Variants in PELP1 observed in about 807,000 individuals in gnomAD.
PELP1 encodes the protein proline-, glutamic acid- and leucine-rich protein 1.
Under a neutral mutation model 95.5 loss-of-function variants are expected in PELP1, and 32 were observed. The ratio of observed to expected loss-of-function variants is 0.34; its 90% CI spans 0.25 to 0.45. The LOEUF (loss-of-function observed/expected upper bound fraction) is 0.45, where lower values mean the gene tolerates loss of function less well. Ranked by LOEUF, PELP1 falls within the 20% of genes least tolerant of loss-of-function variation. PELP1 has a pLI of 1.00. For missense variants in PELP1, 1,358 were observed against 1,444.8 expected, an observed-to-expected ratio of 0.94 and a Z score of 0.97; for synonymous variants, 668 against 600.1, an observed-to-expected ratio of 1.11 and a Z score of -1.65.
intron 1 of PELP1, among the ~76,000 whole-genome samples, chr17:4,701,818 T>C (rs538859816): frequency 6.6e-6 from 1 of 152,240 alleles, no homozygotes; most frequent in Non-Finnish European, 1.5e-5. Context: ...GAATGAAACC[T>C]TTGGGGAAGG....
chr17:4,674,311 C>T (rs974310093), intron 13 of PELP1, among the ~76,000 whole-genome samples, 199 bp downstream of exon 13: 3 of 152,272 alleles, frequency 2.0e-5, no homozygotes, highest in Admixed American at 1.3e-4. Context: ...TGCGGGCTTC[C>T]GCCTGGCTCT....
chr17:4,674,763 CA>C, intron 12 of PELP1, 45 bp downstream of exon 12: 1 of 1,589,238 alleles, frequency 6.3e-7, no homozygotes. Context: ...CACACTTGGT[CA>C]AAGGGCACAG....
intron 3 of PELP1, among the ~76,000 whole-genome samples, chr17:4,689,759 G>A (rs913610566): frequency 3.3e-5 from 5 of 152,194 alleles, no homozygotes; most frequent in Admixed American, 6.5e-5. Flanking sequence ...CAGGAGTGGC[G>A]GCTCATGCCT....
chr17:4,675,222 T>G lies in PELP1; in HGVS notation c.1158-27A>C, dbSNP rs1471320177. 1 of 1,607,786 alleles carries G rather than the reference T, an allele frequency of 6.2e-7. No homozygotes were observed. The highest frequency in any genetic ancestry group is 1.3e-5 in the African/African-American group (1 of 74,864). On this transcript the variant is annotated intron_variant, in intron 10 of 16. Transcript: ENST00000572293. This position sits in a 1 kb window ranked among gnomAD's most constrained non-coding sequence, Gnocchi z 4.3. ...TGGGGCAGAGAAGGAATGGTGACCC[T>G]CGTTTCTGGCACGCCCTATCCCTTC...
At chr17:4,697,813 G>C (rs7214671) in intron 1 of PELP1, among the ~76,000 whole-genome samples, 15,476 of 151,712 alleles carry the variant, frequency 0.1, 1,952 homozygotes, top group African/African-American at 0.29. Flanking sequence ...ACCTTTAATA[G>C]ATGTTAAAAT....
chr17:4,700,938 AAAAAGAAAAG>A (rs1469847931), intron 1 of PELP1, among the ~76,000 whole-genome samples: 1 of 149,306 alleles, frequency 6.7e-6, no homozygotes, highest in African/African-American at 2.5e-5. Context: ...CAAAAAAAAA[AAAAAGAAAAG>A]AAAAGAAAAG....
At chr17:4,697,453 G>A (rs1913340882) in intron 1 of PELP1, among the ~76,000 whole-genome samples, 1 of 152,202 alleles carries the variant, frequency 6.6e-6, no homozygotes, top group African/African-American at 2.4e-5. Context: ...GATCAAGGAT[G>A]CAGTAAGCTA....
At position 4,704,005 on chromosome 17, in the gene PELP1, A is replaced by G. The variant is rs1324193633; in HGVS notation, c.107T>C (p.Leu36Pro). ...AVSSGPRLRL[L>P]LLESVSGLLQ... is the part of the protein sequence containing the mutation. ...CAAACCAGAAACACTCTCCAGCAGC[A>G]GCAGGCGGAGCCGCGGGCCCGAGCT... Residue 36 changes from leucine (L) to proline (P), a missense_variant, in exon 1 of 17, where the codon CTG becomes CCG. Physicochemically the swap from Leu to Pro is moderately conservative, Grantham distance 98. Around this residue, in one of 7 missense-constraint regions of PELP1, gnomAD observed 169 missense variants for 134.9 expected, o/e 1.25. Coordinates refer to ENST00000572293, the MANE Select transcript of PELP1 (RefSeq NM_014389.3). The G allele has an allele frequency of 6.2e-7, 1 of 1,613,154 alleles. No homozygotes were observed. Among genetic ancestry groups the G allele is most frequent in the Non-Finnish European group, 8.5e-7 (1 of 1,179,738 alleles).
At position 4,673,652 on chromosome 17, in the gene PELP1, CAT is replaced by C; in HGVS notation, c.1603_1604del (p.Met535ValfsTer15). 1 of 1,613,928 alleles carries C rather than the reference CAT, an allele frequency of 6.2e-7. No homozygotes were observed. Among genetic ancestry groups the C allele is most frequent in the Non-Finnish European group, 8.5e-7 (1 of 1,179,824 alleles). On this transcript the variant is annotated frameshift_variant, in exon 14 of 17. Transcript: ENST00000572293. LOFTEE classifies it high-confidence loss of function. This position sits in a 1 kb window ranked among gnomAD's most constrained non-coding sequence, Gnocchi z 5.7. ...TCTCCTCCTTGATGAGAGGCCCACACATGAGGATGGTCCGGCTGAGGCCTGGG... is the reference window on the plus strand; with the variant it reads ...TCTCCTCCTTGATGAGAGGCCCACACGAGGATGGTCCGGCTGAGGCCTGGG... ...ALRGLSRTIL[M>X]CGPLIKEETH...
rs1272443490 is a variant in PELP1 at position 4,672,143 on chromosome 17, C to A, written c.2848G>T (p.Asp950Tyr). Residue 950 changes from aspartate to tyrosine, a missense_variant, in exon 16 of 17, where the codon GAT (aspartate) becomes TAT (tyrosine). Coordinates refer to ENST00000572293, the MANE Select transcript of PELP1 (RefSeq NM_014389.3). ...TCCAGTTCTTCTTCCTCCTCCTCATCCTCCTCTTCTTCTTCTTCCTCTAAC... is the reference window on the plus strand; with the variant it reads ...TCCAGTTCTTCTTCCTCCTCCTCATACTCCTCTTCTTCTTCTTCCTCTAAC... ...GELEEEEEEEDEEEEEELEEV... is the reference protein window; with the variant it reads ...GELEEEEEEEYEEEEEELEEV... 5 of 1,540,492 alleles carry A rather than the reference C, an allele frequency of 3.2e-6. No homozygotes were observed. The highest frequency in any genetic ancestry group is 1.2e-5 in the South Asian group (1 of 84,052).
Position 4,678,163 on chromosome 17 carries a change from G to A in PELP1, c.643-1351C>T, listed in dbSNP as rs141340800. Among the ~76,000 whole-genome samples, 924 of 151,540 alleles carry A rather than the reference G, an allele frequency of 6.1e-3. 9 individuals are homozygous for A. The highest frequency in any genetic ancestry group is 0.02 in the African/African-American group (830 of 41,274). ...CAGGAGGCGGAGGTTGCAGTGAGCCGAGATCACGCCACTGCACTCTAGCCT... is the reference window on the plus strand; with the variant it reads ...CAGGAGGCGGAGGTTGCAGTGAGCCAAGATCACGCCACTGCACTCTAGCCT... On this transcript the variant is annotated intron_variant, in intron 5 of 16. Transcript: ENST00000572293.
intron 3 of PELP1, among the ~76,000 whole-genome samples, chr17:4,689,918 C>G (rs1202341755): frequency 1.3e-5 from 2 of 152,074 alleles, no homozygotes; most frequent in African/African-American, 4.8e-5. Flanking sequence ...CCCAGCTACT[C>G]AGGAGGCTGA....
rs367915766 is a variant in PELP1, at chr17:4,675,990, A to G, written c.980+46T>C. ...TGATGAAGGCGACACTCCCTCATCA[A>G]TCCCTCCTGCTCCACGCCTCCGCTC... On this transcript the variant is annotated intron_variant, in intron 8 of 16. Coordinates refer to ENST00000572293, the MANE Select transcript of PELP1 (RefSeq NM_014389.3). The surrounding 1 kb of genome is among the most constrained non-coding windows in gnomAD (Gnocchi z 4.3). The G allele has an allele frequency of 1.2e-4, 198 of 1,609,064 alleles. No individual in the cohort carries two copies. The highest frequency in any genetic ancestry group is 1.4e-4 in the Non-Finnish European group (168 of 1,176,950).
In PELP1 at chr17:4,682,743, CAG is replaced by C. The variant is rs1243626848; in HGVS notation, c.570+58_570+59del. The C allele has an allele frequency of 2.0e-6, 3 of 1,498,436 alleles. No homozygotes were observed. In the African/African-American group the frequency reaches 4.2e-5, roughly 21 times the overall value. The allele number at this position is 1,498,436 out of a possible 1,614,324, so 92.8% of individuals were successfully genotyped here. On this transcript the variant is annotated intron_variant, in intron 4 of 16. Coordinates refer to ENST00000572293, the MANE Select transcript of PELP1 (RefSeq NM_014389.3). ...CAGTCACTTCCATCAAACAATTAAA[CAG>C]TGTGTGAAGGTGAGGACTGCGGGGG...
chr17:4,701,832 G>A (rs1417907809), intron 1 of PELP1, among the ~76,000 whole-genome samples: 2 of 152,060 alleles, frequency 1.3e-5, no homozygotes, highest in Non-Finnish European at 2.9e-5. Context: ...GGGAAGGAAA[G>A]GAAATCCTCC....
At chr17:4,681,275 A>G (rs1202830916) in intron 5 of PELP1, among the ~76,000 whole-genome samples, 1 of 152,174 alleles carries the variant, frequency 6.6e-6, no homozygotes, top group East Asian at 1.9e-4. Flanking sequence ...ACGTGGGGCC[A>G]GGAGTTCAAG....
rs76493838 is a variant in PELP1, at chr17:4,675,446, A to G, written c.1069-84T>C. Reference sequence around the variant, plus strand: ...ACAGAAACAGGGAATGACCATTTACATATGTACACATAGGTAAGAAACCCA... The same window carrying G: ...ACAGAAACAGGGAATGACCATTTACGTATGTACACATAGGTAAGAAACCCA... On this transcript the variant is annotated intron_variant, in intron 9 of 16. Transcript: ENST00000572293. This position sits in a 1 kb window ranked among gnomAD's most constrained non-coding sequence, Gnocchi z 4.3. 1,073 of 870,244 alleles carry G rather than the reference A, an allele frequency of 1.2e-3. 4 individuals carry two copies. The African/African-American group carries it at 0.016, about 13-fold the overall frequency. 53.9% of individuals were successfully genotyped at this position (870,244 alleles called of 1,614,324 possible).
intron 1 of PELP1, among the ~76,000 whole-genome samples, chr17:4,703,027 G>T (rs1913606163): frequency 6.6e-6 from 1 of 152,178 alleles, no homozygotes; most frequent in Non-Finnish European, 1.5e-5. Flanking sequence ...GGTGTATGAA[G>T]AAGAGTTTAG....
At position 4,672,263 on chromosome 17, in the gene PELP1, A is replaced by C; in HGVS notation, c.2728T>G (p.Phe910Val). Residue 910 changes from phenylalanine (F) to valine (V), a missense_variant, in exon 16 of 17, where the codon TTT becomes GTT. Transcript: ENST00000572293. ...TCTTCATCCTCTTCCTCTTCCTCAA[A>C]GTCTTCCTCCTCTTCCTCTTCTTCC... ...EEEEEEEEED[F>V]EEEEEDEEEY... 13 of 1,550,866 alleles carry C rather than the reference A, an allele frequency of 8.4e-6. No individual in the cohort carries two copies. Among genetic ancestry groups the C allele is most frequent in the Non-Finnish European group, 1.1e-5 (13 of 1,146,928 alleles).
Sources: allele counts gnomAD v4.1 joint callset (sites outside exome capture counted in the v4.1 genomes callset), GRCh38; gene constraint gnomAD v4.1.1; regional missense constraint gnomAD v4.1.1; non-coding constraint Gnocchi (gnomAD v3.1); transcripts MANE v1.5; gene names NCBI Gene and HGNC (gene_info 2026-07-23, HGNC 2026-07-21).